Variants in SMAP1 observed in about 807,000 individuals in gnomAD.
The protein encoded by SMAP1 is stromal membrane-associated protein 1.
SMAP1 carries 24 observed loss-of-function variants against 58.5 expected under a neutral mutation model. The ratio of observed to expected loss-of-function variants is 0.41; its 90% confidence interval spans 0.30 to 0.58. The LOEUF (loss-of-function observed/expected upper bound fraction) is 0.58. Among genes scored for constraint, SMAP1 ranks in the 20% least tolerant of loss-of-function variants. SMAP1 has a pLI of 0.29. For synonymous variants in SMAP1, 216 were observed against 196.6 expected (o/e 1.10, Z -0.82); for missense variants, 563 against 566.3 (o/e 0.99, Z 0.06).
At chr6:70,769,427 T>C (rs1316564077) in intron 3 of SMAP1, among the ~76,000 whole-genome samples, 1 of 152,212 alleles carries the variant, frequency 6.6e-6, no homozygotes, top group East Asian at 1.9e-4. Flanking sequence ...TTTATGAATC[T>C]GGGTGCTCCT....
chr6:70,839,302 T>C (rs926177357), intron 7 of SMAP1, among the ~76,000 whole-genome samples: 1 of 152,224 alleles, frequency 6.6e-6, no homozygotes, highest in Non-Finnish European at 1.5e-5. Flanking sequence ...TGTTTCCTTA[T>C]CTTCTACCAC....
At chr6:70,766,618 TTG>T in intron 3 of SMAP1, among the ~76,000 whole-genome samples, 1 of 152,308 alleles carries the variant, frequency 6.6e-6, no homozygotes. Flanking sequence ...GTAAATTTGT[TTG>T]AGTTCATTGT....
intron 7 of SMAP1, among the ~76,000 whole-genome samples, chr6:70,838,828 G>T (rs189556817): frequency 1.1e-3 from 172 of 152,266 alleles, no homozygotes; most frequent in African/African-American, 4.0e-3. Flanking sequence ...TTGCTGAAAA[G>T]AAATAATCTG....
intron 6 of SMAP1, among the ~76,000 whole-genome samples, chr6:70,812,868 G>C (rs976719238): frequency 6.6e-6 from 1 of 151,926 alleles, no homozygotes; most frequent in Admixed American, 6.6e-5. Flanking sequence ...TTCTATACTC[G>C]TGCCCCCAGT....
chr6:70,759,984 G>A (rs1418983352), intron 3 of SMAP1: 2 of 313,540 alleles, frequency 6.4e-6, no homozygotes, highest in South Asian at 2.7e-5. Flanking sequence ...CTTTTGTGGG[G>A]AGTGGGGTGG....
chr6:70,678,083 C>T (rs1488163808), intron 1 of SMAP1, among the ~76,000 whole-genome samples: 1 of 152,292 alleles, frequency 6.6e-6, no homozygotes, highest in East Asian at 1.9e-4. Flanking sequence ...CTCTTGGAAA[C>T]ATGCTAATTT....
At chr6:70,773,174 CT>C (rs1189164454) in intron 3 of SMAP1, 175 bp from the exon 4 acceptor site, 1 of 485,556 alleles carries the variant, frequency 2.1e-6, no homozygotes, top group Non-Finnish European at 3.7e-6. Flanking sequence ...AGGTAGACTT[CT>C]TTAAGAGAAA....
chr6:70,759,305 T>C (rs1766649731), intron 3 of SMAP1, among the ~76,000 whole-genome samples: 1 of 152,086 alleles, frequency 6.6e-6, no homozygotes, highest in Non-Finnish European at 1.5e-5. Context: ...TGAGTTGATA[T>C]ATATGACCCC....
chr6:70,719,154 T>A (rs1582055910), intron 1 of SMAP1, among the ~76,000 whole-genome samples: 1 of 152,290 alleles, frequency 6.6e-6, no homozygotes, highest in East Asian at 1.9e-4. Context: ...ACTTGTTCTA[T>A]GAAAAATGAT....
intron 1 of SMAP1, among the ~76,000 whole-genome samples, chr6:70,676,923 C>T (rs1486172918): frequency 6.6e-6 from 1 of 152,016 alleles, no homozygotes; most frequent in Admixed American, 6.5e-5. Flanking sequence ...GCTGGGACTA[C>T]AGGCTTGTCA....
chr6:70,855,775 T>C (rs2504756), intron 8 of SMAP1, among the ~76,000 whole-genome samples: 77,113 of 152,052 alleles, frequency 0.51, 19,925 homozygotes, highest in East Asian at 0.8. Flanking sequence ...CTTAGCTCTA[T>C]GATCTGCTGC....
chr6:70,773,388 A>C lies in SMAP1; in HGVS notation c.377A>C (p.Lys126Thr). 6.4e-7 allele frequency: 1 copy of C among 1,573,960 alleles called. No individual in the cohort carries two copies. ...EFFIRDKYEK[K>T]KYYDKNAIAI... The stretch of plus-strand genomic sequence containing the variant: ...TTCATCAGAGATAAATATGAAAAGA[A>C]GAAATACTACGATAAAAATGCCATA... The change falls in exon 4 of 11, where the codon AAG becomes ACG. Residue 126 changes from lysine (K) to threonine (T), a missense_variant. Around this residue, in one of 3 missense-constraint regions of SMAP1, gnomAD observed 494 missense variants for 473.8 expected, o/e 1.04. Coordinates refer to ENST00000370455, the MANE Select transcript of SMAP1 (RefSeq NM_001044305.3).
At chr6:70,727,356 A>C (rs778821204) in intron 1 of SMAP1, among the ~76,000 whole-genome samples, 1 of 152,238 alleles carries the variant, frequency 6.6e-6, no homozygotes. Flanking sequence ...TTATCTGCCC[A>C]CCTAAGTCTC....
At chr6:70,733,155 A>G (rs1393543779) in intron 2 of SMAP1, among the ~76,000 whole-genome samples, 1 of 152,246 alleles carries the variant, frequency 6.6e-6, no homozygotes, top group African/African-American at 2.4e-5. Flanking sequence ...GTGAAGTTAC[A>G]CCACTTATTT....
At chr6:70,847,620 C>T (rs1771041686) in intron 7 of SMAP1, among the ~76,000 whole-genome samples, 1 of 152,062 alleles carries the variant, frequency 6.6e-6, no homozygotes, top group Non-Finnish European at 1.5e-5. Context: ...GTCCTTTGTG[C>T]TTCATTATCA....
intron 6 of SMAP1, among the ~76,000 whole-genome samples, chr6:70,831,471 A>G (rs1770355470): frequency 6.6e-6 from 1 of 151,934 alleles, no homozygotes; most frequent in South Asian, 2.1e-4. Context: ...CTTTGTGTTC[A>G]TGTATTCTCA....
At chr6:70,767,121 C>T (rs1767024946) in intron 3 of SMAP1, among the ~76,000 whole-genome samples, 1 of 152,084 alleles carries the variant, frequency 6.6e-6, no homozygotes, top group Non-Finnish European at 1.5e-5. Context: ...TGTTTTGGTA[C>T]CAATACCATG....
chr6:70,770,388 A>G (rs368271285), intron 3 of SMAP1, among the ~76,000 whole-genome samples: 9 of 152,356 alleles, frequency 5.9e-5, no homozygotes, highest in African/African-American at 1.9e-4. Flanking sequence ...AGGTAGATCA[A>G]TCAGACATAG....
At chr6:70,771,713 C>G (rs560951951) in intron 3 of SMAP1, among the ~76,000 whole-genome samples, 3 of 152,292 alleles carry the variant, frequency 2.0e-5, no homozygotes, top group Non-Finnish European at 4.4e-5. Context: ...CCGAGTGAGG[C>G]AATGCCTCTC....
Sources: allele counts gnomAD v4.1 joint callset (sites outside exome capture counted in the v4.1 genomes callset), GRCh38; gene constraint gnomAD v4.1.1; regional missense constraint gnomAD v4.1.1; transcripts MANE v1.5; gene names NCBI Gene and HGNC (gene_info 2026-07-23, HGNC 2026-07-21).